Variants in CPB2 observed in about 807,000 individuals in gnomAD.
The protein encoded by CPB2 is carboxypeptidase B-like protein.
Under a neutral mutation model 57.0 loss-of-function variants are expected in CPB2, and 54 were observed. That is an observed-to-expected ratio of 0.95 (90% CI 0.76 to 1.19). The LOEUF is 1.19. Among genes scored for constraint, CPB2 ranks in the 50% most tolerant of loss-of-function variants. The probability of loss-of-function intolerance (pLI) is 0.00; values close to 1 mark genes in which losing one functional copy is unlikely to be tolerated. For missense variants in CPB2, 426 were observed against 512.0 expected (o/e 0.83, Z 1.62); for synonymous variants, 189 against 178.1 (o/e 1.06, Z -0.49).
At chr13:46,063,684 T>A (rs2044809781) in intron 8 of CPB2, among the ~76,000 whole-genome samples, 1 of 152,138 alleles carries the variant, frequency 6.6e-6, no homozygotes, top group Non-Finnish European at 1.5e-5. Flanking sequence ...GAGTATATAC[T>A]CAGTGATGAG....
chr13:46,088,233 T>C (rs922435128), intron 1 of CPB2, among the ~76,000 whole-genome samples: 1 of 152,220 alleles, frequency 6.6e-6, no homozygotes, highest in Non-Finnish European at 1.5e-5. Flanking sequence ...AAGATCCTTG[T>C]GTGCTCCTCT....
intron 6 of CPB2, among the ~76,000 whole-genome samples, chr13:46,069,505 C>A (rs2044906557): frequency 6.6e-6 from 1 of 152,118 alleles, no homozygotes; most frequent in Non-Finnish European, 1.5e-5. Flanking sequence ...TTCCCTCCTG[C>A]CATTTCCCCA....
intron 7 of CPB2, 41 bp from the exon 8 acceptor site, chr13:46,064,782 G>T: frequency 6.6e-7 from 1 of 1,512,458 alleles, no homozygotes. Context: ...GGGTAGCCAC[G>T]TTCAAGGCCT....
rs374415501 is a variant in CPB2 at position 46,085,978 on chromosome 13, T to C, written c.151-1635A>G. ...TGAGTGAGCAGGTGTGGGGTCCAGC[T>C]ACTACACACAGCGAGGCATGCTGGC... On this transcript the variant is annotated intron_variant, in intron 2 of 10. Transcript: ENST00000181383. Among the ~76,000 whole-genome samples the C allele has an allele frequency of 9.3e-4, 142 of 152,180 alleles. 3 individuals carry two copies. In the East Asian group the frequency reaches 0.02, roughly 21 times the overall value.
chr13:46,066,701 C>T (rs571349248), intron 7 of CPB2, among the ~76,000 whole-genome samples: 5 of 151,908 alleles, frequency 3.3e-5, no homozygotes, highest in East Asian at 1.9e-4. Flanking sequence ...AAAGCTTAGC[C>T]AGGCATGGTG....
Position 46,073,924 on chromosome 13 carries a change from G to T in CPB2, c.540C>A (p.Ile180=). The change falls in exon 6 of 11, where the codon ATC becomes ATA. Residue 180 remains isoleucine, a synonymous_variant. Coordinates refer to ENST00000181383, the MANE Select transcript of CPB2 (RefSeq NM_001872.5). The part of the protein sequence containing the change: ...AKNAIWIDCG[I]HAREWISPAF... ...CAGGAGAGATCCATTCTCTGGCATG[G>T]ATTCCACAGTCAATCCATATGGCAT... 5 of 1,591,948 alleles carry T rather than the reference G, an allele frequency of 3.1e-6. No homozygotes were observed. Among genetic ancestry groups the T allele is most frequent in the Non-Finnish European group, 8.6e-7 (1 of 1,162,852 alleles).
intron 7 of CPB2, among the ~76,000 whole-genome samples, chr13:46,065,626 CAAAAAAAAAAAA>C (rs397851865): frequency 3.2e-5 from 2 of 62,010 alleles, no homozygotes; most frequent in African/African-American, 1.3e-4. Context: ...GACTCCGTCT[CAAAAAAAAAAAA>C]AAAAAAAAAA....
chr13:46,081,364 T>TTCTGTA lies in CPB2; in HGVS notation c.384+1076_384+1077insTACAGA, dbSNP rs1311669498. On this transcript the variant is annotated intron_variant, in intron 4 of 10. Coordinates refer to ENST00000181383, the MANE Select transcript of CPB2 (RefSeq NM_001872.5). ...TTATCACAGCAGTGACAGTTTCACCTTTTATGAAGGTGAAATCCCACCTAT... is the reference window on the plus strand; with the variant it reads ...TTATCACAGCAGTGACAGTTTCACCTTCTGTATTTATGAAGGTGAAATCCCACCTAT... 4.7e-3 allele frequency among the ~76,000 whole-genome samples: 712 copies of TTCTGTA among 152,306 alleles called. 4 individuals are homozygous for TTCTGTA. The highest frequency in any genetic ancestry group is 0.016 in the African/African-American group (658 of 41,568).
At chr13:46,095,876 C>CTTTTTTTTT (rs34686626) in intron 1 of CPB2, among the ~76,000 whole-genome samples, 1 of 85,744 alleles carries the variant, frequency 1.2e-5, no homozygotes, top group Non-Finnish European at 2.2e-5. Flanking sequence ...GGCTATAGGA[C>CTTTTTTTTT]TTTTTTTTTT....
intron 4 of CPB2, among the ~76,000 whole-genome samples, chr13:46,081,496 AT>A (rs1446665203): frequency 6.6e-6 from 1 of 152,040 alleles, no homozygotes; most frequent in African/African-American, 2.4e-5. Context: ...GGGGGGTGCA[AT>A]TTTAAGGCCC....
At chr13:46,074,366 C>T (rs1442704620) in intron 5 of CPB2, among the ~76,000 whole-genome samples, 2 of 152,088 alleles carry the variant, frequency 1.3e-5, no homozygotes, top group East Asian at 3.8e-4. Flanking sequence ...CAATCTTCCC[C>T]GGGAGGTGTG....
chr13:46,058,460 C>G (rs954306904), intron 8 of CPB2, 79 bp from the exon 9 acceptor site: 2 of 1,217,018 alleles, frequency 1.6e-6, no homozygotes, highest in Admixed American at 3.5e-5. Flanking sequence ...ACAACGTATT[C>G]TCCTACCTAT....
chr13:46,087,274 C>T (rs1385144929), intron 2 of CPB2, among the ~76,000 whole-genome samples: 2 of 152,344 alleles, frequency 1.3e-5, no homozygotes, highest in East Asian at 1.9e-4. Flanking sequence ...CAGCCCCAGC[C>T]GTGCCTCCCG....
At chr13:46,072,600 A>T (rs753034603) in intron 6 of CPB2, among the ~76,000 whole-genome samples, 14 of 152,152 alleles carry the variant, frequency 9.2e-5, no homozygotes, top group Non-Finnish European at 1.9e-4. Flanking sequence ...GGATTAAATA[A>T]TTTAATCTTA....
intron 5 of CPB2, among the ~76,000 whole-genome samples, chr13:46,077,378 C>T (rs2045038528): frequency 1.3e-5 from 2 of 152,294 alleles, no homozygotes; most frequent in African/African-American, 2.4e-5. Flanking sequence ...AATGCAATGT[C>T]ATCTCATTCC....
Position 46,081,504 on chromosome 13 carries a change from G to GC in CPB2, c.384+936dup, listed in dbSNP as rs17844200. ...AAAAAAGGGGGGGTGCAATTTTAAG[G>GC]CCCCCTCAATCAACCAGGCACACAT... On this transcript the variant is annotated intron_variant, in intron 4 of 10. Transcript: ENST00000181383. Among the ~76,000 whole-genome samples the GC allele has an allele frequency of 4.6e-3, 704 of 152,078 alleles. 4 individuals carry two copies. The highest frequency in any genetic ancestry group is 0.016 in the African/African-American group (650 of 41,450).
chr13:46,087,026 G>A (rs1188447381), intron 2 of CPB2, among the ~76,000 whole-genome samples: 1 of 152,242 alleles, frequency 6.6e-6, no homozygotes, highest in African/African-American at 2.4e-5. Flanking sequence ...GTCCTTCTCA[G>A]AACACTGAGA....
intron 1 of CPB2, among the ~76,000 whole-genome samples, chr13:46,089,387 G>A (rs939181396): frequency 6.6e-6 from 1 of 152,104 alleles, no homozygotes; most frequent in African/African-American, 2.4e-5. Context: ...GGGAATGCGT[G>A]GGAGTGTTAT....
At chr13:46,070,949 G>A (rs2044932060) in intron 6 of CPB2, among the ~76,000 whole-genome samples, 1 of 152,148 alleles carries the variant, frequency 6.6e-6, no homozygotes, top group South Asian at 2.1e-4. Flanking sequence ...CAATATACCA[G>A]GTTATGGGGA....
Sources: allele counts gnomAD v4.1 joint callset (sites outside exome capture counted in the v4.1 genomes callset), GRCh38; gene constraint gnomAD v4.1.1; transcripts MANE v1.5; gene names NCBI Gene and HGNC (gene_info 2026-07-23, HGNC 2026-07-21).